The following TRAF3 variants were observed in gnomAD, a reference collection of about 807,000 sequenced individuals.
TRAF3 encodes the protein TNF receptor-associated factor 3.
Under a neutral mutation model 62.3 loss-of-function variants are expected in TRAF3, and 13 were observed. The ratio of observed to expected loss-of-function variants is 0.21; its 90% CI spans 0.14 to 0.33. The LOEUF (loss-of-function observed/expected upper bound fraction) is 0.33, where lower values mean the gene tolerates loss of function less well. Ranked by LOEUF, TRAF3 falls within the 10% of genes least tolerant of loss-of-function variation. The pLI is 1.00. For missense variants in TRAF3, 440 were observed against 741.8 expected, an observed-to-expected ratio of 0.59 and a Z score of 4.73; for synonymous variants, 269 against 283.4, an observed-to-expected ratio of 0.95 and a Z score of 0.51.
chr14:102,814,296 C>G (rs1032057061), intron 1 of TRAF3, among the ~76,000 whole-genome samples: 2 of 152,090 alleles, frequency 1.3e-5, no homozygotes, highest in Admixed American at 1.3e-4. Context: ...TAGACACATA[C>G]CAGTTGTTTT....
At chr14:102,805,763 C>T (rs896153943) in intron 1 of TRAF3, among the ~76,000 whole-genome samples, 4 of 152,126 alleles carry the variant, frequency 2.6e-5, no homozygotes, top group Admixed American at 6.5e-5. Flanking sequence ...GAAGATTGTC[C>T]AATTTAGACC....
At chr14:102,867,031 G>A (rs73346751) in intron 2 of TRAF3, among the ~76,000 whole-genome samples, 6,193 of 152,262 alleles carry the variant, frequency 0.041, 414 homozygotes, top group African/African-American at 0.14. Context: ...TAGAAATTAA[G>A]ATGACTGATA....
rs1171679040 is a variant in TRAF3, at chr14:102,911,413, A to G, written c.*5629A>G. ...ATGTTTTTGTGTTTCTGATGCTAAT[A>G]ACTAAAGTTTGTAAGACTGTAGAAT... is the stretch of plus-strand genomic sequence containing the variant. On this transcript the variant is annotated 3_prime_UTR_variant, in exon 12 of 12. Transcript: ENST00000392745. 1 of 152,272 alleles carries G rather than the reference A, an allele frequency of 6.6e-6. No individual in the cohort carries two copies. Among genetic ancestry groups the G allele is most frequent in the Non-Finnish European group, 1.5e-5 (1 of 68,046 alleles). The allele number at this position is 152,272 out of a possible 1,614,324, so 9.4% of individuals were successfully genotyped here.
At chr14:102,834,573 GC>G (rs1885864117) in intron 2 of TRAF3, among the ~76,000 whole-genome samples, 1 of 151,356 alleles carries the variant, frequency 6.6e-6, no homozygotes, top group Non-Finnish European at 1.5e-5. Flanking sequence ...TGTAGTCCCA[GC>G]TACTCGGAGA....
chr14:102,850,231 T>C (rs1289856721), intron 2 of TRAF3, among the ~76,000 whole-genome samples: 1 of 152,208 alleles, frequency 6.6e-6, no homozygotes, highest in Admixed American at 6.5e-5. Flanking sequence ...AGGGCCTTCC[T>C]GAGTAGCTGA....
Position 102,875,642 on chromosome 14 carries a change from T to C in TRAF3, c.316T>C (p.Cys106Arg). Residue 106 changes from cysteine to arginine, a missense_variant, in exon 5 of 12, where the codon TGC becomes CGC. This residue lies in a region of TRAF3 where 255 missense variants were observed against 424.1 expected (regional missense o/e 0.60). Coordinates refer to ENST00000392745, the MANE Select transcript of TRAF3 (RefSeq NM_145725.3). ...VKDKVFKDNC[C>R]KREILALQIY... Reference sequence around the variant, plus strand: ...TTTTCAGGTGTTTAAGGATAATTGCTGCAAGAGAGAAATTCTGGCTCTTCA... The same window carrying C: ...TTTTCAGGTGTTTAAGGATAATTGCCGCAAGAGAGAAATTCTGGCTCTTCA... 1 of 1,613,804 alleles carries C rather than the reference T, an allele frequency of 6.2e-7. No homozygotes were observed. The highest frequency in any genetic ancestry group is 8.5e-7 in the Non-Finnish European group (1 of 1,179,774).
chr14:102,901,269 C>G (rs1890283995), intron 10 of TRAF3, among the ~76,000 whole-genome samples: 1 of 149,974 alleles, frequency 6.7e-6, no homozygotes, highest in Admixed American at 6.6e-5. Flanking sequence ...CCATCCCCCT[C>G]TTAACCTCGG....
At chr14:102,851,723 G>A (rs1342710215) in intron 2 of TRAF3, among the ~76,000 whole-genome samples, 5 of 152,060 alleles carry the variant, frequency 3.3e-5, no homozygotes, top group East Asian at 1.9e-4. Flanking sequence ...CAGCCTGGGC[G>A]ACAGAGCAAG....
chr14:102,786,170 C>T (rs144045114), intron 1 of TRAF3, among the ~76,000 whole-genome samples: 1 of 152,310 alleles, frequency 6.6e-6, no homozygotes, highest in Non-Finnish European at 1.5e-5. Flanking sequence ...AATTACTCTT[C>T]CTTTCTAAGC....
At chr14:102,880,610 A>G (rs1202071394) in intron 6 of TRAF3, among the ~76,000 whole-genome samples, 1 of 152,244 alleles carries the variant, frequency 6.6e-6, no homozygotes, top group Non-Finnish European at 1.5e-5. Flanking sequence ...ATTACTGGGT[A>G]TATACCCAAA....
intron 9 of TRAF3, among the ~76,000 whole-genome samples, chr14:102,896,652 T>C (rs1393207735): frequency 3.3e-5 from 5 of 152,220 alleles, no homozygotes; most frequent in African/African-American, 1.2e-4. Context: ...TTTGCTAGTT[T>C]TTAGCAAAAA....
At chr14:102,790,713 T>C (rs1300726606) in intron 1 of TRAF3, among the ~76,000 whole-genome samples, 2 of 152,160 alleles carry the variant, frequency 1.3e-5, no homozygotes, top group African/African-American at 4.8e-5. Context: ...CAATTCAATA[T>C]GAGATTTGGA....
At chr14:102,796,063 A>G (rs959587153) in intron 1 of TRAF3, among the ~76,000 whole-genome samples, 2 of 152,186 alleles carry the variant, frequency 1.3e-5, no homozygotes, top group Admixed American at 6.5e-5. Context: ...CTAAAAATAC[A>G]AAAATTAGCC....
chr14:102,866,125 G>T (rs761163828), intron 2 of TRAF3, among the ~76,000 whole-genome samples: 1 of 152,206 alleles, frequency 6.6e-6, no homozygotes. Context: ...CATGACCTTT[G>T]CAGGGACATG....
At chr14:102,852,922 C>T (rs545775219) in intron 2 of TRAF3, among the ~76,000 whole-genome samples, 30 of 151,884 alleles carry the variant, frequency 2.0e-4, no homozygotes, top group Non-Finnish European at 3.5e-4. Flanking sequence ...GAGACAGAGT[C>T]TCACTCTGTC....
At chr14:102,865,076 G>C (rs968354534) in intron 2 of TRAF3, among the ~76,000 whole-genome samples, 1 of 152,092 alleles carries the variant, frequency 6.6e-6, no homozygotes, top group Non-Finnish European at 1.5e-5. Flanking sequence ...AGGTGATCAG[G>C]GGATTCTTAC....
At chr14:102,819,484 TC>T (rs1306440274) in intron 1 of TRAF3, among the ~76,000 whole-genome samples, 1 of 152,256 alleles carries the variant, frequency 6.6e-6, no homozygotes, top group Non-Finnish European at 1.5e-5. Context: ...TGTGTGCACA[TC>T]GCTCAGCATG....
intron 1 of TRAF3, among the ~76,000 whole-genome samples, chr14:102,783,754 T>C (rs183825402): frequency 2.6e-5 from 4 of 152,264 alleles, no homozygotes; most frequent in Admixed American, 2.0e-4. Context: ...TGGAGAAGTG[T>C]GGCATGGTGG....
rs754601253 is a variant in TRAF3, at chr14:102,903,220, CTG to C, written c.961-31_961-30del. On this transcript the variant is annotated intron_variant, in intron 10 of 11. Transcript: ENST00000392745. This position sits in a 1 kb window ranked among gnomAD's most constrained non-coding sequence, Gnocchi z 6.4. Reference sequence around the variant, plus strand: ...TGGTGCAGCATTTTCCGAGTCCTAACTGTGTTTTGCTTTTTAACACCTTTGGT... The same window carrying C: ...TGGTGCAGCATTTTCCGAGTCCTAACTGTTTTGCTTTTTAACACCTTTGGT... 5.0e-6 allele frequency: 8 copies of C among 1,614,046 alleles called. No homozygotes were observed. The African/African-American group carries it at 5.3e-5, about 11-fold the overall frequency.
Sources: allele counts gnomAD v4.1 joint callset (sites outside exome capture counted in the v4.1 genomes callset), GRCh38; gene constraint gnomAD v4.1.1; regional missense constraint gnomAD v4.1.1; non-coding constraint Gnocchi (gnomAD v3.1); transcripts MANE v1.5; gene names NCBI Gene and HGNC (gene_info 2026-07-23, HGNC 2026-07-21).